RALYL: variants seen among roughly 807,000 people sequenced by gnomAD.
The protein encoded by RALYL is RNA-binding Raly-like protein.
RALYL carries 29 observed loss-of-function variants against 35.1 expected under a neutral mutation model. The observed-to-expected ratio is 0.83, with a 90% CI of 0.61 to 1.13. The LOEUF (loss-of-function observed/expected upper bound fraction) is 1.13. Ranked by LOEUF, RALYL falls within the 50% of genes most tolerant of loss-of-function variation. RALYL has a pLI of 0.00. For synonymous variants in RALYL, 120 were observed against 127.6 expected (o/e 0.94, Z 0.40); for missense variants, 359 against 360.4 (o/e 1.00, Z 0.03).
At chr8:84,679,460 G>C (rs893485830) in intron 2 of RALYL, 12 of 314,918 alleles carry the variant, frequency 3.8e-5, no homozygotes, top group Non-Finnish European at 6.9e-5. Flanking sequence ...CTGTGCTTAG[G>C]TGGTTGCTAA....
chr8:84,285,551 A>G (rs1837427398), intron 1 of RALYL, among the ~76,000 whole-genome samples: 1 of 152,118 alleles, frequency 6.6e-6, no homozygotes, highest in South Asian at 2.1e-4. Context: ...GAGTACAGGG[A>G]TGGTGGAGCG....
At chr8:84,758,324 G>A (rs1399258393) in intron 2 of RALYL, among the ~76,000 whole-genome samples, 1 of 151,980 alleles carries the variant, frequency 6.6e-6, no homozygotes, top group Non-Finnish European at 1.5e-5. Context: ...TCCTTCTTTG[G>A]GTAGGTAAAT....
chr8:84,490,933 C>A (rs1378331203), intron 1 of RALYL, among the ~76,000 whole-genome samples: 1 of 151,636 alleles, frequency 6.6e-6, no homozygotes, highest in Non-Finnish European at 1.5e-5. Flanking sequence ...AGAAACCGCT[C>A]ATGTTGGAGG....
rs545481182 is a variant in RALYL at position 84,914,874 on chromosome 8, T to C, written c.859-6020T>C. Reference sequence around the variant, plus strand: ...CCTTATCTCCTACTAATTATGAGGGTATGTATTTTCACATAAAGATTATCT... The same window carrying C: ...CCTTATCTCCTACTAATTATGAGGGCATGTATTTTCACATAAAGATTATCT... On this transcript the variant is annotated intron_variant, in intron 8 of 8. Coordinates refer to ENST00000521268, the MANE Select transcript of RALYL (RefSeq NM_173848.7). 2.6e-5 allele frequency among the ~76,000 whole-genome samples: 4 copies of C among 152,096 alleles called. No homozygotes were observed. The South Asian group carries it at 8.3e-4, about 32-fold the overall frequency.
At position 84,585,567 on chromosome 8, in the gene RALYL, C is replaced by T. The variant is rs1811805284; in HGVS notation, c.256+55990C>T. 3.3e-5 allele frequency among the ~76,000 whole-genome samples: 5 copies of T among 152,094 alleles called. 1 individual carries two copies. Among genetic ancestry groups the T allele is most frequent in the Middle Eastern group, 3.4e-3 (1 of 294 alleles). ...TTCAATAATTATTGTTTTTCATGTT[C>T]ATATTATAGTAGAAAATGCTTCCTC... is the stretch of plus-strand genomic sequence containing the variant. On this transcript the variant is annotated intron_variant, in intron 2 of 8. Coordinates refer to ENST00000521268, the MANE Select transcript of RALYL (RefSeq NM_173848.7).
Position 84,431,447 on chromosome 8 carries a change from A to G in RALYL, c.-23-97852A>G, listed in dbSNP as rs375375870. Among the ~76,000 whole-genome samples the G allele has an allele frequency of 1.2e-4, 19 of 152,206 alleles. 2 individuals carry two copies. The South Asian group carries it at 3.3e-3, about 27-fold the overall frequency. Reference sequence around the variant, plus strand: ...GCAAATGAAACTACAGCGAGTTATCACCCCACACTTGTTAGGATGGCTATT... The same window carrying G: ...GCAAATGAAACTACAGCGAGTTATCGCCCCACACTTGTTAGGATGGCTATT... On this transcript the variant is annotated intron_variant, in intron 1 of 8. Transcript: ENST00000521268.
At chr8:84,184,974 T>C (rs1812125983) in intron 1 of RALYL, 1 of 1,613,686 alleles carries the variant, frequency 6.2e-7, no homozygotes, top group Non-Finnish European at 8.5e-7. Flanking sequence ...CCTCGCACGC[T>C]CAACTCCTGC....
chr8:84,228,110 T>C (rs1448902938), intron 1 of RALYL, among the ~76,000 whole-genome samples: 1 of 151,186 alleles, frequency 6.6e-6, no homozygotes, highest in Non-Finnish European at 1.5e-5. Context: ...GAAATTCCTT[T>C]GTCCCAAAGT....
chr8:84,706,074 G>C (rs1564406705), intron 2 of RALYL: 2 of 1,534,204 alleles, frequency 1.3e-6, no homozygotes, highest in East Asian at 4.9e-5. Context: ...AGTAAAATCT[G>C]ACCCAACTTT....
At chr8:84,687,639 G>C (rs1837094671) in intron 2 of RALYL, among the ~76,000 whole-genome samples, 1 of 152,038 alleles carries the variant, frequency 6.6e-6, no homozygotes, top group East Asian at 1.9e-4. Context: ...TTGCATAATT[G>C]GCAAAATTAC....
intron 2 of RALYL, among the ~76,000 whole-genome samples, chr8:84,746,207 A>G (rs1176573141): frequency 6.6e-6 from 1 of 152,066 alleles, no homozygotes; most frequent in Non-Finnish European, 1.5e-5. Flanking sequence ...GAGGAAATGT[A>G]AAAAATAGCA....
chr8:84,816,230 C>A (rs573994565), intron 4 of RALYL, among the ~76,000 whole-genome samples: 1 of 152,010 alleles, frequency 6.6e-6, no homozygotes, highest in Non-Finnish European at 1.5e-5. Flanking sequence ...TTTAAGGTTA[C>A]ATGTCAAAAA....
At chr8:84,297,920 A>G (rs1260588747) in intron 1 of RALYL, among the ~76,000 whole-genome samples, 1 of 151,568 alleles carries the variant, frequency 6.6e-6, no homozygotes, top group African/African-American at 2.4e-5. Context: ...TAAGTTCCTT[A>G]TAGACTCTTG....
intron 3 of RALYL, among the ~76,000 whole-genome samples, chr8:84,795,954 C>T (rs1821813035): frequency 6.6e-6 from 1 of 152,174 alleles, no homozygotes; most frequent in Non-Finnish European, 1.5e-5. Context: ...TGATAGGACA[C>T]CACAAATGTC....
At chr8:84,522,573 T>A (rs1242690363) in intron 1 of RALYL, among the ~76,000 whole-genome samples, 2 of 152,114 alleles carry the variant, frequency 1.3e-5, no homozygotes, top group African/African-American at 2.4e-5. Context: ...TTTATAATAT[T>A]GTTTAATTCA....
intron 5 of RALYL, among the ~76,000 whole-genome samples, chr8:84,860,583 T>C (rs1052267795): frequency 2.0e-5 from 3 of 152,250 alleles, no homozygotes; most frequent in East Asian, 3.8e-4. Context: ...CCTAGTGGTA[T>C]GGATGATATT....
intron 1 of RALYL, among the ~76,000 whole-genome samples, chr8:84,453,283 C>A (rs1056276474): frequency 1.3e-5 from 2 of 151,846 alleles, no homozygotes; most frequent in Admixed American, 6.6e-5. Flanking sequence ...AATTCTATCT[C>A]AAGAGGTGCT....
chr8:84,644,899 G>A (rs1466144469), intron 2 of RALYL, among the ~76,000 whole-genome samples: 1 of 151,664 alleles, frequency 6.6e-6, no homozygotes, highest in East Asian at 1.9e-4. Flanking sequence ...TTACGGGTAT[G>A]CACCACCACA....
chr8:84,421,872 C>G (rs2045664464), intron 1 of RALYL, among the ~76,000 whole-genome samples: 2 of 148,866 alleles, frequency 1.3e-5, no homozygotes, highest in Admixed American at 1.3e-4. Flanking sequence ...GTATATTGAA[C>G]CAGCCTTGCA....
Sources: gnomAD v4.1 joint callset for allele counts (sites outside exome capture counted in the v4.1 genomes callset) on GRCh38, gnomAD v4.1.1 for gene constraint, MANE v1.5 for transcripts, NCBI Gene and HGNC (gene_info 2026-07-23, HGNC 2026-07-21) for gene names.